The following LGALS13 variants were observed in gnomAD, a reference collection of about 807,000 sequenced individuals.
LGALS13 encodes galectin 13.
A neutral mutation model predicts 13.2 loss-of-function variants in LGALS13; 11 were observed. That is an observed-to-expected ratio of 0.83 (90% CI 0.52 to 1.38). LGALS13 has a LOEUF of 1.38. Ranked by LOEUF, LGALS13 falls within the 40% of genes most tolerant of loss-of-function variation. LGALS13 has a pLI of 0.00. For missense variants in LGALS13, 183 were observed against 174.3 expected, an observed-to-expected ratio of 1.05 and a Z score of -0.28; for synonymous variants, 71 against 63.7, an observed-to-expected ratio of 1.11 and a Z score of -0.54.
intron 3 of LGALS13, among the ~76,000 whole-genome samples, chr19:39,605,622 T>C (rs1165687783): frequency 2.0e-5 from 3 of 152,130 alleles, no homozygotes; most frequent in Non-Finnish European, 4.4e-5. Flanking sequence ...GATAATCTCC[T>C]CTGTCTTTTC....
intron 3 of LGALS13, among the ~76,000 whole-genome samples, chr19:39,605,598 T>C (rs1427627619): frequency 6.6e-6 from 1 of 152,180 alleles, no homozygotes; most frequent in Non-Finnish European, 1.5e-5. Context: ...TCACCTGACA[T>C]TTCCCCCAAA....
rs112087610 is a variant in LGALS13, at chr19:39,604,012, G to T, written c.16-590G>T. ...TGGAAGGATGTCCATGGCCCTTGAT[G>T]ATAGTGATGCATGTGCATCCCACAC... On this transcript the variant is annotated intron_variant, in intron 1 of 3. Coordinates refer to ENST00000221797, the MANE Select transcript of LGALS13 (RefSeq NM_013268.3). 4.1e-3 allele frequency: 4,054 copies of T among 983,554 alleles called. 95 individuals are homozygous for T. In the African/African-American group the frequency reaches 0.054, roughly 13 times the overall value. 60.9% of individuals were successfully genotyped at this position (983,554 alleles called of 1,614,324 possible).
chr19:39,607,355 TCCTCATTGTTGAGGAATC>T lies in LGALS13; in HGVS notation c.*21_*38del, dbSNP rs1972708790. ...CTGCAATTGAGGGAGATGATCACAC[TCCTCATTGTTGAGGAATC>T]CCTCTTTCTACCTGACCATGGGATT... On this transcript the variant is annotated 3_prime_UTR_variant, in exon 4 of 4. Coordinates refer to ENST00000221797, the MANE Select transcript of LGALS13 (RefSeq NM_013268.3). 3 of 1,510,036 alleles carry T rather than the reference TCCTCATTGTTGAGGAATC, an allele frequency of 2.0e-6. No homozygotes were observed. The highest frequency in any genetic ancestry group is 2.8e-6 in the Non-Finnish European group (3 of 1,085,258). The allele number at this position is 1,510,036 out of a possible 1,614,324, so 93.5% of individuals were successfully genotyped here. A position where few individuals can be genotyped will look rare whatever the true frequency, so the allele number is the denominator to read the frequency against.
intron 1 of LGALS13, 58 bp downstream of exon 1, chr19:39,602,641 T>C (rs535578332): frequency 1.7e-5 from 27 of 1,547,138 alleles, no homozygotes; most frequent in Non-Finnish European, 2.4e-5. Context: ...AAGAAAGAAA[T>C]GGGAGATTTT....
At chr19:39,604,535 A>T in intron 1 of LGALS13, 67 bp from the exon 2 acceptor site, 1 of 1,543,864 alleles carries the variant, frequency 6.5e-7, no homozygotes, top group Non-Finnish European at 8.9e-7. Flanking sequence ...GCACCATGAG[A>T]ATATGTTACA....
At chr19:39,603,994 A>T in intron 1 of LGALS13, 1 of 985,304 alleles carries the variant, frequency 1.0e-6, no homozygotes, top group Non-Finnish European at 1.2e-6. Flanking sequence ...TCTTGGAAGG[A>T]TGTCCATGGC....
In LGALS13 at chr19:39,605,357, T is replaced by G; in HGVS notation, c.272T>G (p.Leu91Arg). The G allele has an allele frequency of 5.6e-6, 9 of 1,614,102 alleles. No homozygotes were observed. Among genetic ancestry groups the G allele is most frequent in the Non-Finnish European group, 7.6e-6 (9 of 1,180,046 alleles). ...VPFEDGKQFE[L>R]CIYVHYNEYE... ...TTTGAGGATGGCAAACAATTTGAGC[T>G]GTGCATCTACGTACATTACAATGAG... The change falls in exon 3 of 4, where the codon CTG becomes CGG. Residue 91 changes from leucine to arginine, a missense_variant. By Grantham distance (102) the Leu-to-Arg change is moderately radical. Transcript: ENST00000221797.
chr19:39,606,665 G>A (rs1175945505), intron 3 of LGALS13, among the ~76,000 whole-genome samples: 2 of 152,144 alleles, frequency 1.3e-5, no homozygotes, highest in African/African-American at 4.8e-5. Flanking sequence ...TCAAGCGAGG[G>A]ATCTTTTCCT....
In LGALS13 at chr19:39,604,590, A is replaced by G. The variant is rs146262376; in HGVS notation, c.16-12A>G. On this transcript the variant is annotated splice_polypyrimidine_tract_variant and intron_variant, in intron 1 of 3. Coordinates refer to ENST00000221797, the MANE Select transcript of LGALS13 (RefSeq NM_013268.3). ...ACCCTGCACCTCTCACTTACTCTCA[A>G]TACTCTGGCAGGTGCCATACAAACT... is the stretch of plus-strand genomic sequence containing the variant. The G allele has an allele frequency of 2.0e-5, 33 of 1,614,046 alleles. No individual in the cohort carries two copies. The Admixed American group carries it at 2.3e-4, about 11-fold the overall frequency.
In LGALS13 at chr19:39,603,282, G is replaced by A. The variant is rs564557020; in HGVS notation, c.15+699G>A. 3.9e-5 allele frequency among the ~76,000 whole-genome samples: 6 copies of A among 152,050 alleles called. No homozygotes were observed. In the East Asian group the frequency reaches 5.9e-4, roughly 15 times the overall value. ...GAAGAGGAATGCAGACTATGGGGGTGATGGTTCCTCAGGTGGGGTCTGCAC... is the reference window on the plus strand; with the variant it reads ...GAAGAGGAATGCAGACTATGGGGGTAATGGTTCCTCAGGTGGGGTCTGCAC... On this transcript the variant is annotated intron_variant, in intron 1 of 3. Coordinates refer to ENST00000221797, the MANE Select transcript of LGALS13 (RefSeq NM_013268.3).
At chr19:39,606,756 T>A (rs892649318) in intron 3 of LGALS13, among the ~76,000 whole-genome samples, 3 of 152,244 alleles carry the variant, frequency 2.0e-5, no homozygotes, top group African/African-American at 7.2e-5. Context: ...TGGGTTTCCT[T>A]CTTTGCCACT....
At chr19:39,602,657 A>T in intron 1 of LGALS13, 74 bp downstream of exon 1, 3 of 1,426,706 alleles carry the variant, frequency 2.1e-6, no homozygotes, top group Non-Finnish European at 3.0e-6. Flanking sequence ...ATTTTATGAG[A>T]TGAAAATATG....
intron 3 of LGALS13, among the ~76,000 whole-genome samples, chr19:39,605,698 C>T (rs1320673167): frequency 6.6e-6 from 1 of 151,694 alleles, no homozygotes; most frequent in Non-Finnish European, 1.5e-5. Context: ...ATACAATATA[C>T]TTCAGGAAAA....
chr19:39,603,749 A>T (rs767932234), intron 1 of LGALS13, among the ~76,000 whole-genome samples: 4 of 152,012 alleles, frequency 2.6e-5, no homozygotes, highest in Admixed American at 1.3e-4. Flanking sequence ...TTCAAGAGGG[A>T]GCAGATGTGT....
At chr19:39,607,188 C>T in intron 3 of LGALS13, 35 bp from the exon 4 acceptor site, 2 of 1,510,320 alleles carry the variant, frequency 1.3e-6, no homozygotes. Context: ...TGTTTGGTGG[C>T]ATGCTTTCTT....
rs369816502 is a variant in LGALS13 at position 39,605,237 on chromosome 19, C to T, written c.152C>T (p.Ala51Val). Residue 51 changes from alanine to valine, a missense_variant, in exon 3 of 4, where the codon GCC (alanine) becomes GTC (valine). Physicochemically the swap from Ala to Val is moderately conservative, Grantham distance 64. Coordinates refer to ENST00000221797, the MANE Select transcript of LGALS13 (RefSeq NM_013268.3). The stretch of plus-strand genomic sequence containing the variant: ...GACATGGATGAGGATTCAGATATTG[C>T]CTTCCGTTTCCGAGTGCACTTTGGC... ...YTDMDEDSDI[A>V]FRFRVHFGNH... The T allele has an allele frequency of 3.0e-5, 49 of 1,614,198 alleles. No individual in the cohort carries two copies. The highest frequency in any genetic ancestry group is 4.0e-5 in the Non-Finnish European group (47 of 1,180,028).
Position 39,605,335 on chromosome 19 carries a change from G to A in LGALS13, c.250G>A (p.Glu84Lys). Reference sequence around the variant, plus strand: ...GGAGACAACAGACTACGTGCCCTTTGAGGATGGCAAACAATTTGAGCTGTG... The same window carrying A: ...GGAGACAACAGACTACGTGCCCTTTAAGGATGGCAAACAATTTGAGCTGTG... ...LEETTDYVPF[E>K]DGKQFELCIY... The change falls in exon 3 of 4, where the codon GAG becomes AAG. Residue 84 changes from glutamate (E) to lysine (K), a missense_variant. Glu to Lys is a moderately conservative substitution (Grantham distance 56, BLOSUM62 1). Transcript: ENST00000221797. 1 of 1,614,192 alleles carries A rather than the reference G, an allele frequency of 6.2e-7. No individual in the cohort carries two copies.
rs1972670005 is a variant in LGALS13, at chr19:39,605,340, T to C, written c.255T>C (p.Asp85=). Residue 85 remains aspartate, a synonymous_variant, in exon 3 of 4, where the codon GAT becomes GAC. Transcript: ENST00000221797. ...CAACAGACTACGTGCCCTTTGAGGATGGCAAACAATTTGAGCTGTGCATCT... is the reference window on the plus strand; with the variant it reads ...CAACAGACTACGTGCCCTTTGAGGACGGCAAACAATTTGAGCTGTGCATCT... ...EETTDYVPFE[D]GKQFELCIYV... 2 of 1,614,192 alleles carry C rather than the reference T, an allele frequency of 1.2e-6. No individual in the cohort carries two copies. The highest frequency in any genetic ancestry group is 2.2e-5 in the South Asian group (2 of 91,078).
intron 3 of LGALS13, 135 bp downstream of exon 3, chr19:39,605,523 G>C (rs1285155572): frequency 1.3e-6 from 1 of 755,360 alleles, no homozygotes; most frequent in Non-Finnish European, 2.3e-6. Flanking sequence ...TTTCATCACA[G>C]AGCACCCCCT....
Sources: gnomAD v4.1 joint callset for allele counts (sites outside exome capture counted in the v4.1 genomes callset) on GRCh38, gnomAD v4.1.1 for gene constraint, MANE v1.5 for transcripts, NCBI Gene and HGNC (gene_info 2026-07-23, HGNC 2026-07-21) for gene names.